Variants in GRIA3 observed in about 807,000 individuals in gnomAD.
GRIA3 encodes the protein glutamate receptor 3.
A neutral mutation model predicts 63.0 loss-of-function variants in GRIA3; 3 were observed. The ratio of observed to expected loss-of-function variants is 0.05; its 90% CI spans 0.02 to 0.12. GRIA3 has a LOEUF of 0.12. GRIA3 is among the 10% of genes least tolerant of loss of function. The pLI is 1.00. For missense variants in GRIA3, 347 were observed against 700.9 expected, an observed-to-expected ratio of 0.50 and a Z score of 5.70; for synonymous variants, 274 against 257.9, an observed-to-expected ratio of 1.06 and a Z score of -0.60.
At chrX:123,479,028 G>A (rs1339966290) in intron 13 of GRIA3, among the ~76,000 whole-genome samples, 1 of 113,132 alleles carries the variant, frequency 8.8e-6, no homozygotes, top group Non-Finnish European at 1.9e-5. Flanking sequence ...CCTAGAACCA[G>A]TAGGGTTTCG....
chrX:123,368,181 T>C (rs1445851181), intron 5 of GRIA3, among the ~76,000 whole-genome samples: 1 of 111,297 alleles, frequency 9.0e-6, no homozygotes, highest in South Asian at 3.9e-4. Context: ...TCGGAACTGA[T>C]TGGCTGAGGG....
At chrX:123,193,009 A>T (rs1459722795) in intron 2 of GRIA3, among the ~76,000 whole-genome samples, 1 of 110,220 alleles carries the variant, frequency 9.1e-6, no homozygotes, top group Non-Finnish European at 1.9e-5. Flanking sequence ...GCTCTCGCAG[A>T]CCAGCTCTTA....
chrX:123,453,834 A>C (rs2045747885), intron 12 of GRIA3, among the ~76,000 whole-genome samples: 1 of 111,741 alleles, frequency 8.9e-6, no homozygotes, highest in Non-Finnish European at 1.9e-5. Flanking sequence ...CTGATAAGGC[A>C]AATGAAAGAG....
chrX:123,391,165 T>C (rs940888894), intron 5 of GRIA3, among the ~76,000 whole-genome samples: 5 of 111,915 alleles, frequency 4.5e-5, no homozygotes, highest in African/African-American at 1.6e-4. Context: ...TTGGGATCTA[T>C]TGCTGGAGAA....
intron 3 of GRIA3, among the ~76,000 whole-genome samples, chrX:123,310,664 C>A (rs997832544): frequency 1.8e-5 from 2 of 112,748 alleles, no homozygotes; most frequent in African/African-American, 6.4e-5. Context: ...TTCATATTAT[C>A]TTTCCTTTTT....
chrX:123,421,705 C>A (rs2147396540), intron 11 of GRIA3, among the ~76,000 whole-genome samples: 1 of 112,077 alleles, frequency 8.9e-6, no homozygotes, highest in Non-Finnish European at 1.9e-5. Flanking sequence ...AGAGGGACAA[C>A]AACCACCTTC....
chrX:123,242,296 T>A (rs1379554594), intron 2 of GRIA3, among the ~76,000 whole-genome samples: 1 of 112,184 alleles, frequency 8.9e-6, no homozygotes, highest in African/African-American at 3.2e-5. Context: ...CAGCATGGGC[T>A]GCAAAATCAA....
intron 5 of GRIA3, among the ~76,000 whole-genome samples, chrX:123,358,034 A>G (rs1244279252): frequency 9.0e-6 from 1 of 111,320 alleles, no homozygotes; most frequent in Non-Finnish European, 1.9e-5. Flanking sequence ...TTTTCAAAGC[A>G]GATAAAAATT....
chrX:123,301,613 TG>T (rs1415046209), intron 3 of GRIA3, among the ~76,000 whole-genome samples: 1 of 111,775 alleles, frequency 8.9e-6, no homozygotes, highest in African/African-American at 3.2e-5. Flanking sequence ...ATTTTATATG[TG>T]GAGAAACTGA....
intron 3 of GRIA3, among the ~76,000 whole-genome samples, chrX:123,275,871 A>G (rs2044551723): frequency 1.8e-5 from 2 of 112,236 alleles, no homozygotes; most frequent in Admixed American, 1.9e-4. Context: ...CTTTTCGTGT[A>G]TCATTGTATC....
Position 123,280,041 on chromosome X carries a change from C to G in GRIA3, c.508+26499C>G, listed in dbSNP as rs144763067. Reference sequence around the variant, plus strand: ...TCAAGGTACTCCATTCCCAACTGTGCATAAAACTGAAAGTTTGAAGGATTG... The same window carrying G: ...TCAAGGTACTCCATTCCCAACTGTGGATAAAACTGAAAGTTTGAAGGATTG... On this transcript the variant is annotated intron_variant, in intron 3 of 15. Coordinates refer to ENST00000620443, the MANE Select transcript of GRIA3 (RefSeq NM_007325.5). 2.3e-3 allele frequency among the ~76,000 whole-genome samples: 258 copies of G among 112,367 alleles called. 3 individuals are homozygous for G. Among genetic ancestry groups the G allele is most frequent in the African/African-American group, 8.0e-3 (249 of 30,954 alleles).
At chrX:123,425,859 T>A (rs777839604) in intron 11 of GRIA3, among the ~76,000 whole-genome samples, 4 of 112,244 alleles carry the variant, frequency 3.6e-5, no homozygotes, top group Non-Finnish European at 7.5e-5. Flanking sequence ...CAGTTTGTTA[T>A]AGTTAACCAA....
intron 5 of GRIA3, among the ~76,000 whole-genome samples, chrX:123,364,914 T>A (rs2045200659): frequency 8.9e-6 from 1 of 112,099 alleles, no homozygotes; most frequent in African/African-American, 3.2e-5. Flanking sequence ...TCTTAAAACG[T>A]TGAACTCATA....
chrX:123,453,477 A>G (rs1400960689), intron 12 of GRIA3, among the ~76,000 whole-genome samples: 2 of 111,476 alleles, frequency 1.8e-5, no homozygotes, highest in African/African-American at 6.5e-5. Flanking sequence ...CCAACATGGC[A>G]CATGTATACA....
chrX:123,489,757 G>A lies in GRIA3; in HGVS notation c.*1047G>A, dbSNP rs2045959675. ...AAGTGTACACCACGGAGACAGGACCGCGTTGCAAGGCGGGACAGCAGGTTC... is the reference window on the plus strand; with the variant it reads ...AAGTGTACACCACGGAGACAGGACCACGTTGCAAGGCGGGACAGCAGGTTC... On this transcript the variant is annotated 3_prime_UTR_variant, in exon 16 of 16. Transcript: ENST00000620443. The A allele has an allele frequency of 8.9e-6, 1 of 112,172 alleles. No individual in the cohort carries two copies. Among genetic ancestry groups the A allele is most frequent in the African/African-American group, 3.3e-5 (1 of 30,761 alleles). The allele number at this position is 112,172 out of a possible 1,213,427, so 9.2% of individuals were successfully genotyped here. A position where few individuals can be genotyped will look rare whatever the true frequency, so the allele number is the denominator to read the frequency against.
intron 12 of GRIA3, among the ~76,000 whole-genome samples, chrX:123,443,256 C>G (rs1285308500): frequency 8.9e-6 from 1 of 112,099 alleles, no homozygotes; most frequent in Non-Finnish European, 1.9e-5. Context: ...AGAGAGAAAT[C>G]ATGGCCAAAA....
At chrX:123,275,141 T>C (rs1265656080) in intron 3 of GRIA3, among the ~76,000 whole-genome samples, 2 of 111,248 alleles carry the variant, frequency 1.8e-5, no homozygotes, top group Admixed American at 9.6e-5. Context: ...ATAATAACAA[T>C]AATAATATAA....
intron 2 of GRIA3, among the ~76,000 whole-genome samples, chrX:123,240,718 G>C (rs1247463267): frequency 4.5e-5 from 5 of 111,723 alleles, no homozygotes; most frequent in African/African-American, 1.6e-4. Flanking sequence ...TTATTCTGTA[G>C]AAAACAGGAG....
At chrX:123,343,367 T>A (rs1004128594) in intron 4 of GRIA3, among the ~76,000 whole-genome samples, 7 of 111,281 alleles carry the variant, frequency 6.3e-5, no homozygotes, top group Non-Finnish European at 1.3e-4. Context: ...TGGAAAGCCT[T>A]CCCTGGTTCT....
Sources: gnomAD v4.1 joint callset for allele counts (sites outside exome capture counted in the v4.1 genomes callset) on GRCh38, gnomAD v4.1.1 for gene constraint, MANE v1.5 for transcripts, NCBI Gene and HGNC (gene_info 2026-07-23, HGNC 2026-07-21) for gene names.